Variants in CDH15 observed in about 807,000 individuals in gnomAD.
CDH15 encodes cadherin 15, also known as cadherin-15.
In CDH15, 73 loss-of-function variants were observed where a neutral mutation model predicts 69.4. That is an observed-to-expected ratio of 1.05 (90% CI 0.87 to 1.28). The LOEUF is 1.28. Among genes scored for constraint, CDH15 ranks in the 50% most tolerant of loss-of-function variants. The pLI is 0.00. For missense variants in CDH15, 1,343 were observed against 1,133.6 expected (o/e 1.18, Z -2.65); for synonymous variants, 624 against 507.7 (o/e 1.23, Z -3.08).
chr16:89,193,354 C>T (rs1915702377), intron 11 of CDH15, 116 bp from the exon 12 acceptor site: 5 of 574,034 alleles, frequency 8.7e-6, no homozygotes, highest in Admixed American at 3.0e-5. Flanking sequence ...CCCTCAACCC[C>T]ACCCCTGCTT....
rs778068673 is a variant in CDH15 at position 89,185,220 on chromosome 16, A to T, written c.550A>T (p.Thr184Ser). The T allele has an allele frequency of 4.4e-5, 70 of 1,606,070 alleles. No individual in the cohort carries two copies. Among genetic ancestry groups the T allele is most frequent in the Non-Finnish European group, 5.4e-5 (64 of 1,176,872 alleles). ...GGCCACAGATGCCGACGACCCCGAGACGGACAACGCAGCGCTGCGGTTCTC... is the reference window on the plus strand; with the variant it reads ...GGCCACAGATGCCGACGACCCCGAGTCGGACAACGCAGCGCTGCGGTTCTC... Reference protein sequence around the residue: ...AEATDADDPETDNAALRFSIL... With the variant: ...AEATDADDPESDNAALRFSIL... The change falls in exon 5 of 14, where the codon ACG (threonine) becomes TCG (serine). Residue 184 changes from threonine to serine, a missense_variant. Transcript: ENST00000289746.
At chr16:89,178,861 C>T (rs1006480935) in intron 1 of CDH15, among the ~76,000 whole-genome samples, 5 of 152,198 alleles carry the variant, frequency 3.3e-5, no homozygotes, top group African/African-American at 9.7e-5. Flanking sequence ...GCCGCTCCCC[C>T]GGACCCTCCA....
intron 11 of CDH15, 120 bp from the exon 12 acceptor site, chr16:89,193,350 A>ACCCC: frequency 1.9e-6 from 1 of 513,414 alleles, no homozygotes; most frequent in Non-Finnish European, 3.2e-6. Flanking sequence ...CGCCCCCTCA[A>ACCCC]CCCCACCCCT....
At chr16:89,178,525 C>A (rs1388169542) in intron 1 of CDH15, among the ~76,000 whole-genome samples, 1 of 152,132 alleles carries the variant, frequency 6.6e-6, no homozygotes, top group Non-Finnish European at 1.5e-5. Flanking sequence ...CAGCCATGTC[C>A]CTCTTGGCTG....
rs771507650 is a variant in CDH15, at chr16:89,192,329, C to T, written c.1740C>T (p.Cys580=). Reference sequence around the variant, plus strand: ...AGCAGCCTCTGAACGTGACCGTGTGCCGCTGCGGCAAGGACGGCGTCTGCC... The same window carrying T: ...AGCAGCCTCTGAACGTGACCGTGTGTCGCTGCGGCAAGGACGGCGTCTGCC... ...QREQPLNVTV[C]RCGKDGVCLP... is the part of the protein sequence containing the mutation. The change falls in exon 11 of 14, where the codon TGC becomes TGT. Residue 580 remains cysteine, a synonymous_variant. Coordinates refer to ENST00000289746, the MANE Select transcript of CDH15 (RefSeq NM_004933.3). The T allele has an allele frequency of 1.3e-6, 2 of 1,535,764 alleles. No homozygotes were observed. Among genetic ancestry groups the T allele is most frequent in the South Asian group, 1.2e-5 (1 of 84,166 alleles).
At chr16:89,189,518 GC>G (rs1035496509) in intron 7 of CDH15, among the ~76,000 whole-genome samples, 1 of 152,220 alleles carries the variant, frequency 6.6e-6, no homozygotes, top group Non-Finnish European at 1.5e-5. Context: ...AGGGCATGGA[GC>G]CCCCCAGCCT....
At position 89,185,102 on chromosome 16, in the gene CDH15, A is replaced by C; in HGVS notation, c.503-71A>C. 4 of 1,430,242 alleles carry C rather than the reference A, an allele frequency of 2.8e-6. No individual in the cohort carries two copies. In the South Asian group the frequency reaches 4.9e-5, roughly 17 times the overall value. 88.6% of individuals were successfully genotyped at this position (1,430,242 alleles called of 1,614,324 possible). A position where few individuals can be genotyped will look rare whatever the true frequency, so the allele number is the denominator to read the frequency against. On this transcript the variant is annotated intron_variant, in intron 4 of 13. Transcript: ENST00000289746. ...GAGCCTGTGCACACGAGGTGCCCCC[A>C]CGCCCCTCACAATGCCCCCAGCCCA...
intron 1 of CDH15, among the ~76,000 whole-genome samples, chr16:89,174,367 A>C (rs185618870): frequency 3.9e-5 from 6 of 152,006 alleles, no homozygotes; most frequent in Non-Finnish European, 8.8e-5. Flanking sequence ...ACCCACCCAC[A>C]CGCCACCAAG....
In CDH15 at chr16:89,179,479, C is replaced by T. The variant is rs753593054; in HGVS notation, c.106C>T (p.Arg36Trp). 1.2e-5 allele frequency: 19 copies of T among 1,613,494 alleles called. No homozygotes were observed. The highest frequency in any genetic ancestry group is 1.7e-4 in the Middle Eastern group (1 of 6,058). ...GCCCACCACCCTGTACCCCTGGCGC[C>T]GGGCGCCTGCCCTGAGCCGCGTGCG... Reference protein sequence around the residue: ...RRPTTLYPWRRAPALSRVRRA... With the variant: ...RRPTTLYPWRWAPALSRVRRA... Residue 36 changes from arginine to tryptophan, a missense_variant, in exon 2 of 14, where the codon CGG becomes TGG. Coordinates refer to ENST00000289746, the MANE Select transcript of CDH15 (RefSeq NM_004933.3).
At chr16:89,185,608 G>A in intron 5 of CDH15, 1 of 537,160 alleles carries the variant, frequency 1.9e-6, no homozygotes, top group South Asian at 2.1e-5. Flanking sequence ...GCCCCTCTCA[G>A]CCTCATGGCA....
chr16:89,192,584 C>G (rs1158577102), intron 11 of CDH15, 140 bp downstream of exon 11: 1 of 603,568 alleles, frequency 1.7e-6, no homozygotes, highest in Non-Finnish European at 2.9e-6. Flanking sequence ...CCAGCCACGC[C>G]GCTTCCTCCC....
Position 89,192,380 on chromosome 16 carries a change from G to T in CDH15, c.1791G>T (p.Ala597=), listed in dbSNP as rs375071693. The T allele has an allele frequency of 1.3e-6, 2 of 1,536,510 alleles. No homozygotes were observed. The highest frequency in any genetic ancestry group is 1.4e-5 in the African/African-American group (1 of 72,956). Reference sequence around the variant, plus strand: ...TGCCGGGGGCCGCAGCGCTGCTGGCGGGGGGCACAGGCCTCAGCCTGGGCG... The same window carrying T: ...TGCCGGGGGCCGCAGCGCTGCTGGCTGGGGGCACAGGCCTCAGCCTGGGCG... The part of the protein sequence containing the change: ...VCLPGAAALL[A]GGTGLSLGAL... The change falls in exon 11 of 14, where the codon GCG becomes GCT. Residue 597 remains alanine (A), a synonymous_variant. Coordinates refer to ENST00000289746, the MANE Select transcript of CDH15 (RefSeq NM_004933.3).
At chr16:89,177,703 A>G (rs899388463) in intron 1 of CDH15, among the ~76,000 whole-genome samples, 15 of 152,120 alleles carry the variant, frequency 9.9e-5, no homozygotes, top group Non-Finnish European at 4.4e-5. Flanking sequence ...CTGTGCCCCA[A>G]CGAGCTGCAC....
chr16:89,189,543 C>T (rs1915591905), intron 7 of CDH15, among the ~76,000 whole-genome samples: 1 of 152,246 alleles, frequency 6.6e-6, no homozygotes, highest in Non-Finnish European at 1.5e-5. Flanking sequence ...GACTGGGTCC[C>T]AGGCCACGCT....
intron 1 of CDH15, among the ~76,000 whole-genome samples, chr16:89,172,300 C>G (rs570894487): frequency 9.9e-5 from 15 of 152,202 alleles, no homozygotes; most frequent in Admixed American, 2.0e-4. Context: ...GGGCACAGGA[C>G]CCCTGGCTAG....
At chr16:89,176,083 G>A (rs1344429698) in intron 1 of CDH15, among the ~76,000 whole-genome samples, 5 of 152,238 alleles carry the variant, frequency 3.3e-5, no homozygotes, top group African/African-American at 1.2e-4. Flanking sequence ...TAAGCGGCCG[G>A]TGGTGGAGGA....
At chr16:89,176,200 T>G (rs1915252012) in intron 1 of CDH15, among the ~76,000 whole-genome samples, 1 of 152,124 alleles carries the variant, frequency 6.6e-6, no homozygotes, top group African/African-American at 2.4e-5. Flanking sequence ...AACCGCTGCC[T>G]CCTCTCAAGG....
Position 89,195,185 on chromosome 16 carries a change from C to T in CDH15, c.*30C>T. On this transcript the variant is annotated 3_prime_UTR_variant, in exon 14 of 14. Transcript: ENST00000289746. ...GGGGCGCAACTGGACATGCCACTCC[C>T]CGGCCTCGTGGCAGTGATGGCCCCT... 6.5e-7 allele frequency: 1 copy of T among 1,544,790 alleles called. No individual in the cohort carries two copies.
In CDH15 at chr16:89,191,690, A is replaced by G. The variant is rs1915645865; in HGVS notation, c.1411A>G (p.Ile471Val). The G allele has an allele frequency of 1.2e-6, 2 of 1,600,780 alleles. No individual in the cohort carries two copies. Among genetic ancestry groups the G allele is most frequent in the South Asian group, 1.1e-5 (1 of 90,446 alleles). ...CCGCACCGCCACCGGCACCCTGTCC[A>G]TCGAGATCCTGGAGGTGAACGACCA... ...QPRTATGTLS[I>V]EILEVNDHAP... The change falls in exon 10 of 14, where the codon ATC (isoleucine) becomes GTC (valine). Residue 471 changes from isoleucine (I) to valine (V), a missense_variant. Coordinates refer to ENST00000289746, the MANE Select transcript of CDH15 (RefSeq NM_004933.3).
Sources: gnomAD v4.1 joint callset for allele counts (sites outside exome capture counted in the v4.1 genomes callset) on GRCh38, gnomAD v4.1.1 for gene constraint, MANE v1.5 for transcripts, NCBI Gene and HGNC (gene_info 2026-07-23, HGNC 2026-07-21) for gene names.